CD300C: variants seen among roughly 807,000 people sequenced by gnomAD.
CD300C encodes the protein CD300c molecule.
In CD300C, 11 loss-of-function variants were observed where a neutral mutation model predicts 18.4. The observed-to-expected ratio is 0.60, with a 90% CI of 0.38 to 0.99. The LOEUF is 0.99. Among genes scored for constraint, CD300C ranks in the 50% least tolerant of loss-of-function variants. The pLI, the probability that CD300C is intolerant of heterozygous loss-of-function variation, is 0.01. For missense variants in CD300C, 277 were observed against 287.4 expected (o/e 0.96, Z 0.26); for synonymous variants, 116 against 116.3 (o/e 1.00, Z 0.02).
downstream of CD300C, among the ~76,000 whole-genome samples, chr17:74,537,316 A>C (rs965331749): frequency 5.9e-5 from 9 of 152,240 alleles, no homozygotes; most frequent in African/African-American, 2.2e-4. Flanking sequence ...GAAGTGACAC[A>C]TCAGTGCGTC....
downstream of CD300C, among the ~76,000 whole-genome samples, chr17:74,537,290 T>C (rs564819328): frequency 6.6e-6 from 1 of 152,276 alleles, no homozygotes; most frequent in South Asian, 2.1e-4. Flanking sequence ...TACAACAGAA[T>C]GTAGACCAAT....
chr17:74,542,077 G>T (rs1231780725), intron 3 of CD300C, among the ~76,000 whole-genome samples: 2 of 152,170 alleles, frequency 1.3e-5, no homozygotes, highest in Non-Finnish European at 2.9e-5. Context: ...AGGGTTATTT[G>T]TTTGGTGTCA....
the CD300C span, among the ~76,000 whole-genome samples, chr17:74,535,277 A>C: frequency 5.3e-5 from 8 of 151,890 alleles, no homozygotes; most frequent in African/African-American, 1.5e-4. Context: ...GACCAGCCTG[A>C]CCAACATGGT....
At chr17:74,544,543 C>G (rs1908678775) in intron 2 of CD300C, 66 bp downstream of exon 2, 4 of 1,537,858 alleles carry the variant, frequency 2.6e-6, no homozygotes, top group African/African-American at 2.7e-5. Context: ...CCACTTCTTT[C>G]TTCAGGGACA....
chr17:74,544,700 C>T lies in CD300C; in HGVS notation c.309G>A (p.Glu103=), dbSNP rs199715562. Residue 103 remains glutamate (E), a synonymous_variant, in exon 2 of 4, where the codon GAG becomes GAA. Transcript: ENST00000330793. ...CCCCACACCAGTAGGTGCCTGCGTC[C>T]TCCTCTGTGAGATTCTCCAGGGTCA... ...FTVTLENLTE[E]DAGTYWCGVD... 6.2e-7 allele frequency: 1 copy of T among 1,614,236 alleles called. No individual in the cohort carries two copies. The highest frequency in any genetic ancestry group is 2.2e-5 in the East Asian group (1 of 44,876).
At chr17:74,545,152 G>C (rs1055285069) in intron 1 of CD300C, among the ~76,000 whole-genome samples, 18 of 152,208 alleles carry the variant, frequency 1.2e-4, no homozygotes, top group Non-Finnish European at 2.4e-4. Context: ...ATGGAGACTG[G>C]AAAGGCAAGG....
chr17:74,539,268 CCCTT>C (rs1005315907), downstream of CD300C, among the ~76,000 whole-genome samples: 1 of 152,156 alleles, frequency 6.6e-6, no homozygotes, highest in African/African-American at 2.4e-5. Context: ...GCCCAGCCCT[CCCTT>C]CATTTACACT....
At chr17:74,542,482 C>G (rs1026983579) in intron 3 of CD300C, among the ~76,000 whole-genome samples, 7 of 152,240 alleles carry the variant, frequency 4.6e-5, no homozygotes, top group African/African-American at 1.7e-4. Context: ...CTCTAATTCT[C>G]AAACCCTCTT....
chr17:74,539,383 C>G (rs1334405323), downstream of CD300C, among the ~76,000 whole-genome samples: 3 of 152,192 alleles, frequency 2.0e-5, no homozygotes, highest in African/African-American at 7.2e-5. Flanking sequence ...CCCACCTGCC[C>G]AGTGTTCAGG....
Position 74,541,514 on chromosome 17 carries a change from G to T in CD300C, c.*75C>A. On this transcript the variant is annotated 3_prime_UTR_variant, in exon 4 of 4. Coordinates refer to ENST00000330793, the MANE Select transcript of CD300C (RefSeq NM_006678.5). ...GAGATGTGGAGAGAGCAGCCCGGGA[G>T]GGAGTGGTCAGGAGGTCATTCCAGT... 1.0e-6 allele frequency: 1 copy of T among 975,996 alleles called. No homozygotes were observed. The highest frequency in any genetic ancestry group is 1.7e-6 in the Non-Finnish European group (1 of 602,224). The allele number at this position is 975,996 out of a possible 1,614,324, so 60.5% of individuals were successfully genotyped here. A position where few individuals can be genotyped will look rare whatever the true frequency, so the allele number is the denominator to read the frequency against.
chr17:74,535,323 A>T, the CD300C span, among the ~76,000 whole-genome samples: 4 of 151,948 alleles, frequency 2.6e-5, no homozygotes, highest in Admixed American at 2.6e-4. Context: ...AAAAAAATTA[A>T]CTGGGCATGG....
rs1434851963 is a variant in CD300C, at chr17:74,541,543, C to T, written c.*46G>A. The T allele has an allele frequency of 7.2e-7, 1 of 1,387,068 alleles. No homozygotes were observed. The highest frequency in any genetic ancestry group is 1.7e-5 in the Admixed American group (1 of 59,724). 85.9% of individuals were successfully genotyped at this position (1,387,068 alleles called of 1,614,324 possible). ...GTGGTCAGGAGGTCATTCCAGTCCC[C>T]CAGAGGGGCTCTGTTGCAGCACAGG... On this transcript the variant is annotated 3_prime_UTR_variant, in exon 4 of 4. Transcript: ENST00000330793.
rs1908537512 is a variant in CD300C, at chr17:74,541,317, AGGGCATCC to A, written c.*264_*271del. 1 of 391,430 alleles carries A rather than the reference AGGGCATCC, an allele frequency of 2.6e-6. No individual in the cohort carries two copies. Among genetic ancestry groups the A allele is most frequent in the Non-Finnish European group, 4.8e-6 (1 of 206,188 alleles). The allele number at this position is 391,430 out of a possible 1,614,324, so 24.2% of individuals were successfully genotyped here. A position where few individuals can be genotyped will look rare whatever the true frequency, so the allele number is the denominator to read the frequency against. ...CCTGGAGAAATGGAAGGGTGCAGGGAGGGCATCCGGGCACTCAGAGGTATTGCTGACGG... is the reference window on the plus strand; with the variant it reads ...CCTGGAGAAATGGAAGGGTGCAGGGAGGGCACTCAGAGGTATTGCTGACGG... On this transcript the variant is annotated 3_prime_UTR_variant, in exon 4 of 4. Transcript: ENST00000330793.
chr17:74,542,847 C>T lies in CD300C; in HGVS notation c.527+14G>A, dbSNP rs757381601. On this transcript the variant is annotated intron_variant, in intron 3 of 3. Transcript: ENST00000330793. The stretch of plus-strand genomic sequence containing the variant: ...GCCGCCAGCGTGGCCCAGTCCTATG[C>T]GCAGGCACCTTACCCAGGGTGTGGG... 77 of 1,602,318 alleles carry T rather than the reference C, an allele frequency of 4.8e-5. No homozygotes were observed. Among genetic ancestry groups the T allele is most frequent in the Middle Eastern group, 2.1e-4 (1 of 4,802 alleles).
downstream of CD300C, among the ~76,000 whole-genome samples, chr17:74,539,782 T>C (rs963369425): frequency 6.6e-6 from 1 of 152,200 alleles, no homozygotes; most frequent in Non-Finnish European, 1.5e-5. Flanking sequence ...TTATGGTGGC[T>C]TCCTTTTTAG....
At chr17:74,544,265 G>A (rs990164670) in intron 2 of CD300C, among the ~76,000 whole-genome samples, 3 of 152,124 alleles carry the variant, frequency 2.0e-5, no homozygotes, top group African/African-American at 7.2e-5. Context: ...GGACCCCAGA[G>A]TCAGGGGTGG....
At chr17:74,542,447 C>T (rs556071350) in intron 3 of CD300C, among the ~76,000 whole-genome samples, 6 of 152,328 alleles carry the variant, frequency 3.9e-5, no homozygotes, top group South Asian at 4.1e-4. Context: ...CAGCCCCCAA[C>T]CCTTGAGGTC....
downstream of CD300C, among the ~76,000 whole-genome samples, chr17:74,539,735 T>G (rs755988307): frequency 1.3e-5 from 2 of 152,236 alleles, no homozygotes; most frequent in African/African-American, 4.8e-5. Flanking sequence ...TGCCTCCAGC[T>G]GACAGGTTTG....
chr17:74,539,539 G>A (rs1908479280), downstream of CD300C, among the ~76,000 whole-genome samples: 1 of 152,124 alleles, frequency 6.6e-6, no homozygotes, highest in Non-Finnish European at 1.5e-5. Flanking sequence ...GGGAGGCACT[G>A]CTGAACTCCC....
Sources: gnomAD v4.1 joint callset for allele counts (sites outside exome capture counted in the v4.1 genomes callset) on GRCh38, gnomAD v4.1.1 for gene constraint, MANE v1.5 for transcripts, NCBI Gene and HGNC (gene_info 2026-07-23, HGNC 2026-07-21) for gene names.